The following TTC23L variants were observed in gnomAD, a reference collection of about 807,000 sequenced individuals.
The protein encoded by TTC23L is tetratricopeptide repeat protein 23-like.
A neutral mutation model predicts 48.1 loss-of-function variants in TTC23L; 42 were observed. That is an observed-to-expected ratio of 0.87 (90% CI 0.68 to 1.13). TTC23L has a LOEUF of 1.13. Ranked by LOEUF, TTC23L falls within the 50% of genes most tolerant of loss-of-function variation. The probability of loss-of-function intolerance (pLI) is 0.00; values close to 1 mark genes in which losing one functional copy is unlikely to be tolerated. For synonymous variants in TTC23L, 159 were observed against 157.2 expected (o/e 1.01, Z -0.09); for missense variants, 391 against 421.0 (o/e 0.93, Z 0.62).
chr5:34,914,500 G>C, the TTC23L span: 1 of 601,454 alleles, frequency 1.7e-6, no homozygotes, highest in Non-Finnish European at 2.9e-6. Context: ...ATTTGTTACC[G>C]GGAGAGAAAA....
chr5:34,923,028 T>G, the TTC23L span: 2 of 1,546,638 alleles, frequency 1.3e-6, no homozygotes, highest in African/African-American at 2.7e-5. Context: ...ACATTATGCT[T>G]TGTTAAAAGA....
At chr5:34,893,787 GGA>G (rs1222412126) in intron 9 of TTC23L, among the ~76,000 whole-genome samples, 1 of 115,800 alleles carries the variant, frequency 8.6e-6, no homozygotes, top group Non-Finnish European at 1.9e-5. Context: ...TTGAGAATTA[GGA>G]GAGTCAGGAA....
At chr5:34,842,504 G>C (rs1006979532) in intron 2 of TTC23L, among the ~76,000 whole-genome samples, 4 of 152,136 alleles carry the variant, frequency 2.6e-5, no homozygotes, top group African/African-American at 9.7e-5. Flanking sequence ...TGGAAGAAGG[G>C]GTCAGGGGGC....
chr5:34,914,644 A>G, the TTC23L span: 1 of 1,574,678 alleles, frequency 6.4e-7, no homozygotes, highest in Admixed American at 1.7e-5. Flanking sequence ...ATTTCATTAA[A>G]TTACATTTAG....
intron 9 of TTC23L, among the ~76,000 whole-genome samples, chr5:34,887,357 G>A (rs1455363550): frequency 6.6e-6 from 1 of 152,130 alleles, no homozygotes. Flanking sequence ...GACAATCTGA[G>A]GATAAGAAAT....
intron 10 of TTC23L, among the ~76,000 whole-genome samples, chr5:34,898,512 C>T (rs561578767): frequency 1.3e-5 from 2 of 152,308 alleles, no homozygotes; most frequent in South Asian, 2.1e-4. Context: ...CTTACTATCC[C>T]TAGCAGAGAT....
chr5:34,886,822 G>A (rs144296318), intron 9 of TTC23L, among the ~76,000 whole-genome samples: 1 of 152,328 alleles, frequency 6.6e-6, no homozygotes, highest in African/African-American at 2.4e-5. Context: ...TGAAATCCAA[G>A]TATGATAGTG....
the TTC23L span, chr5:34,922,834 T>C: frequency 7.3e-5 from 104 of 1,431,690 alleles, no homozygotes; most frequent in African/African-American, 1.1e-4. Flanking sequence ...TTAGTAGATA[T>C]AGTTGTGTTA....
chr5:34,923,079 A>C, the TTC23L span: 2 of 1,577,076 alleles, frequency 1.3e-6, no homozygotes, highest in Non-Finnish European at 1.7e-6. Flanking sequence ...TAGCTATCCA[A>C]AATATACATG....
intron 3 of TTC23L, among the ~76,000 whole-genome samples, chr5:34,849,191 TG>T (rs1329272139): frequency 1.3e-5 from 2 of 152,216 alleles, no homozygotes; most frequent in Non-Finnish European, 2.9e-5. Context: ...TTAGTATATT[TG>T]CATTTTATAA....
chr5:34,872,437 T>G (rs1196673860), intron 8 of TTC23L, among the ~76,000 whole-genome samples: 3 of 152,192 alleles, frequency 2.0e-5, no homozygotes, highest in Non-Finnish European at 4.4e-5. Context: ...TGATAAAAAC[T>G]CTGGAGAGCA....
intron 8 of TTC23L, chr5:34,869,333 C>T (rs775980171): frequency 5.0e-5 from 12 of 240,818 alleles, no homozygotes; most frequent in Middle Eastern, 1.6e-3. Context: ...TTGATAAGGA[C>T]ATCCAGTGAT....
exon 4 of TTC23L, chr5:34,850,293 T>C: frequency 1.2e-6 from 2 of 1,613,822 alleles, no homozygotes; most frequent in Admixed American, 3.3e-5. Flanking sequence ...AGCTTATGGC[T>C]ACTTGACACT....
chr5:34,908,465 G>A, the TTC23L span: 1 of 192,004 alleles, frequency 5.2e-6, no homozygotes. Flanking sequence ...ACCACACCCG[G>A]CCACCTTTAG....
chr5:34,915,875 G>A, the TTC23L span: 3 of 1,559,338 alleles, frequency 1.9e-6, no homozygotes, highest in Non-Finnish European at 2.6e-6. Context: ...GAGAGGGACC[G>A]GATCCCAGGC....
chr5:34,862,983 G>A, exon 5 of TTC23L: 2 of 1,614,014 alleles, frequency 1.2e-6, no homozygotes, highest in Non-Finnish European at 1.7e-6. Context: ...CAAATAAGGA[G>A]AAAGAGGAAA....
Position 34,841,879 on chromosome 5 carries a change from G to T in TTC23L, c.68+1140G>T, listed in dbSNP as rs148753747. ...CTCGGTCTCTGCACTGTTGACATTG[G>T]GGTTGGATAACTGTTTGTTGTGGAG... On this transcript the variant is annotated intron_variant, in intron 2 of 10. Transcript: ENST00000505624. Among the ~76,000 whole-genome samples, 106 of 152,240 alleles carry T rather than the reference G, an allele frequency of 7.0e-4. 1 individual carries two copies. Among genetic ancestry groups the T allele is most frequent in the Non-Finnish European group, 1.1e-3 (77 of 68,018 alleles).
intron 8 of TTC23L, among the ~76,000 whole-genome samples, chr5:34,871,735 A>T (rs992602330): frequency 2.0e-5 from 3 of 152,214 alleles, no homozygotes; most frequent in African/African-American, 7.2e-5. Flanking sequence ...GACACCAATA[A>T]TATCTCTAAC....
chr5:34,859,453 G>A (rs148034233), intron 4 of TTC23L, among the ~76,000 whole-genome samples: 5 of 152,108 alleles, frequency 3.3e-5, no homozygotes, highest in Non-Finnish European at 7.3e-5. Context: ...GCTATGGTTC[G>A]AGCATGTCCA....
Sources: gnomAD v4.1 joint callset for allele counts (sites outside exome capture counted in the v4.1 genomes callset) on GRCh38, gnomAD v4.1.1 for gene constraint, MANE v1.5 for transcripts, NCBI Gene and HGNC (gene_info 2026-07-23, HGNC 2026-07-21) for gene names.